Variants in SOCS2 observed in about 807,000 individuals in gnomAD.
SOCS2 encodes suppressor of cytokine signaling 2.
A neutral mutation model predicts 18.6 loss-of-function variants in SOCS2; 10 were observed. That is an observed-to-expected ratio of 0.54 (90% CI 0.33 to 0.91). The LOEUF (loss-of-function observed/expected upper bound fraction) is 0.91. SOCS2 is among the 40% of genes least tolerant of loss of function. The pLI is 0.02. For synonymous variants in SOCS2, 104 were observed against 104.0 expected (o/e 1.00, Z 0.00); for missense variants, 231 against 247.2 (o/e 0.93, Z 0.44).
chr12:93,573,148 GCTTC>G, intron 1 of SOCS2, 112 bp downstream of exon 1: 9 of 1,363,846 alleles, frequency 6.6e-6, no homozygotes, highest in South Asian at 1.3e-5. Context: ...TACGTCCCTT[GCTTC>G]CAAGGGACCG....
upstream of SOCS2, chr12:93,571,896 G>A (rs1410373736): frequency 4.6e-6 from 2 of 431,938 alleles, no homozygotes; most frequent in Admixed American, 2.5e-5. Context: ...CGGCGGCGGC[G>A]GCCGCGGCCG....
rs1472308954 is a variant in SOCS2 at position 93,575,175 on chromosome 12, T to C, written c.593T>C (p.Val198Ala). 2 of 1,532,022 alleles carry C rather than the reference T, an allele frequency of 1.3e-6. No homozygotes were observed. The highest frequency in any genetic ancestry group is 2.8e-5 in the African/African-American group (2 of 71,958). 94.9% of individuals were successfully genotyped at this position (1,532,022 alleles called of 1,614,324 possible). A position where few individuals can be genotyped will look rare whatever the true frequency, so the allele number is the denominator to read the frequency against. ...TACTTGGAAGAATATAAATTCCAGG[T>C]ATAAATGTTTCTCTTTTTTTAAACA... Reference protein sequence around the residue: ...KDYLEEYKFQV With the variant: ...KDYLEEYKFQA The change falls in exon 2 of 2, where the codon GTA (valine) becomes GCA (alanine). Residue 198 changes from valine (V) to alanine (A), a missense_variant. By Grantham distance (64) the Val-to-Ala change is moderately conservative (BLOSUM62 0). Coordinates refer to ENST00000551556, the MANE Select transcript of SOCS2 (RefSeq NM_001270471.2).
the SOCS2 span, among the ~76,000 whole-genome samples, chr12:93,615,006 T>C: frequency 6.6e-6 from 1 of 151,768 alleles, no homozygotes; most frequent in African/African-American, 2.4e-5. Context: ...TAGGGAGAAA[T>C]TGTCATTGCC....
In SOCS2 at chr12:93,573,001, G is replaced by T. The variant is rs1954311694; in HGVS notation, c.104G>T (p.Arg35Leu). The T allele has an allele frequency of 1.3e-6, 2 of 1,570,404 alleles. No homozygotes were observed. Among genetic ancestry groups the T allele is most frequent in the South Asian group, 1.2e-5 (1 of 85,926 alleles). The change falls in exon 1 of 2, where the codon CGT (arginine) becomes CTT (leucine). Residue 35 changes from arginine to leucine, a missense_variant. Arg to Leu is a moderately radical substitution (Grantham distance 102). This residue lies in a region of SOCS2 where 106 missense variants were observed against 103.8 expected (regional missense o/e 1.02). Transcript: ENST00000551556. ...GAGGAGCCATCCCCGCAGGCGGCGC[G>T]TCTGGCGAAGGCCCTGCGGGAGCTC... The part of the protein sequence containing the change: ...SAEEPSPQAA[R>L]LAKALRELGQ...
intron 1 of SOCS2, among the ~76,000 whole-genome samples, chr12:93,581,931 A>G (rs1954546079): frequency 6.6e-6 from 1 of 152,204 alleles, no homozygotes; most frequent in South Asian, 2.1e-4. Context: ...TTTATTCCAA[A>G]TGAAACAGAA....
At chr12:93,623,861 T>A in the SOCS2 span, among the ~76,000 whole-genome samples, 3 of 152,110 alleles carry the variant, frequency 2.0e-5, no homozygotes, top group African/African-American at 7.2e-5. Context: ...CACACCACCA[T>A]GTCCAGCTAA....
the SOCS2 span, among the ~76,000 whole-genome samples, chr12:93,597,738 T>C: frequency 1.5e-3 from 228 of 152,360 alleles, no homozygotes; most frequent in Middle Eastern, 6.8e-3. Context: ...CCAGATTTAA[T>C]AAATATTGTT....
the SOCS2 span, among the ~76,000 whole-genome samples, chr12:93,611,933 C>T: frequency 6.6e-6 from 1 of 152,030 alleles, no homozygotes; most frequent in Admixed American, 6.6e-5. Flanking sequence ...ACAACTCCTC[C>T]CTCTGCTCAG....
the SOCS2 span, among the ~76,000 whole-genome samples, chr12:93,614,595 CTTTCTTTCTTTCTT>C: frequency 1.3e-4 from 14 of 106,378 alleles, no homozygotes; most frequent in Non-Finnish European, 2.2e-4. Context: ...TTCTTTCTTT[CTTTCTTTCTTTCTT>C]TCTTTCTTTC....
chr12:93,573,506 G>A (rs1457265241), intron 1 of SOCS2: 1 of 276,622 alleles, frequency 3.6e-6, no homozygotes, highest in Non-Finnish European at 6.7e-6. Flanking sequence ...CCGCGAGGGC[G>A]GCTGCCCGGG....
downstream of SOCS2, among the ~76,000 whole-genome samples, chr12:93,577,351 A>G (rs1954480800): frequency 6.6e-6 from 1 of 152,126 alleles, no homozygotes. Context: ...TTTTTTTACG[A>G]TGACTGACAT....
the SOCS2 span, among the ~76,000 whole-genome samples, chr12:93,622,576 C>T: frequency 6.6e-6 from 1 of 152,054 alleles, no homozygotes; most frequent in Non-Finnish European, 1.5e-5. Flanking sequence ...ACCTTTAAAA[C>T]AAAACAAAAA....
At chr12:93,617,364 GGA>G in the SOCS2 span, among the ~76,000 whole-genome samples, 3 of 152,178 alleles carry the variant, frequency 2.0e-5, no homozygotes, top group African/African-American at 7.2e-5. Context: ...GGAGAGGACA[GGA>G]GAGGGGTTCC....
At chr12:93,597,555 A>G in the SOCS2 span, among the ~76,000 whole-genome samples, 1 of 152,142 alleles carries the variant, frequency 6.6e-6, no homozygotes, top group African/African-American at 2.4e-5. Context: ...ACCTCAAGCG[A>G]TCCACCCACC....
At chr12:93,614,480 T>TTCCTTTC in the SOCS2 span, among the ~76,000 whole-genome samples, 1 of 26,134 alleles carries the variant, frequency 3.8e-5, no homozygotes, top group Non-Finnish European at 6.6e-5. Context: ...CCTTCCTTCC[T>TTCCTTTC]TTCCTTCCTT....
At chr12:93,590,593 G>A in the SOCS2 span, among the ~76,000 whole-genome samples, 9 of 151,530 alleles carry the variant, frequency 5.9e-5, no homozygotes, top group African/African-American at 1.5e-4. Flanking sequence ...TCAGGAGATC[G>A]AGACCATCCT....
At chr12:93,608,398 C>T in the SOCS2 span, among the ~76,000 whole-genome samples, 1 of 152,036 alleles carries the variant, frequency 6.6e-6, no homozygotes, top group Non-Finnish European at 1.5e-5. Flanking sequence ...TTGCTCCTGG[C>T]TCTAATGTGG....
At chr12:93,574,592 C>A in intron 1 of SOCS2, 130 bp from the exon 2 acceptor site, 1 of 595,444 alleles carries the variant, frequency 1.7e-6, no homozygotes, top group Non-Finnish European at 2.6e-6. Flanking sequence ...AACTTTCGCT[C>A]ACACACCACC....
the SOCS2 span, among the ~76,000 whole-genome samples, chr12:93,592,428 C>A: frequency 6.6e-6 from 1 of 152,220 alleles, no homozygotes; most frequent in Non-Finnish European, 1.5e-5. Context: ...CGTGCTATTA[C>A]AAACAACGGT....
Sources: gnomAD v4.1 joint callset for allele counts (sites outside exome capture counted in the v4.1 genomes callset) on GRCh38, gnomAD v4.1.1 for gene constraint, gnomAD v4.1.1 regional missense constraint, MANE v1.5 for transcripts, NCBI Gene and HGNC (gene_info 2026-07-23, HGNC 2026-07-21) for gene names.